DIAPH3: variants seen among roughly 807,000 people sequenced by gnomAD.
DIAPH3 encodes protein diaphanous homolog 3.
DIAPH3 carries 117 observed loss-of-function variants against 144.3 expected under a neutral mutation model. That is an observed-to-expected ratio of 0.81 (90% CI 0.70 to 0.95). The LOEUF is 0.95. DIAPH3 is among the 40% of genes least tolerant of loss of function. The pLI, the probability that DIAPH3 is intolerant of heterozygous loss-of-function variation, is 0.00. For missense variants in DIAPH3, 1,421 were observed against 1,412.7 expected (o/e 1.01, Z -0.09); for synonymous variants, 519 against 488.9 (o/e 1.06, Z -0.81).
At chr13:59,965,864 T>A (rs1297584835) in intron 17 of DIAPH3, among the ~76,000 whole-genome samples, 1 of 151,980 alleles carries the variant, frequency 6.6e-6, no homozygotes, top group Non-Finnish European at 1.5e-5. Flanking sequence ...AGGCACAACA[T>A]GCAATATGCA....
intron 24 of DIAPH3, among the ~76,000 whole-genome samples, chr13:59,815,163 T>C (rs888345717): frequency 6.6e-6 from 1 of 152,224 alleles, no homozygotes. Flanking sequence ...TCTCCAATAA[T>C]ATGCAAAGTC....
At chr13:59,781,346 AT>A (rs2038727617) in intron 25 of DIAPH3, among the ~76,000 whole-genome samples, 1 of 152,218 alleles carries the variant, frequency 6.6e-6, no homozygotes, top group African/African-American at 2.4e-5. Context: ...GAAAATGGAC[AT>A]TTTTCAAACA....
intron 21 of DIAPH3, among the ~76,000 whole-genome samples, chr13:59,867,582 T>C (rs1452358964): frequency 6.6e-6 from 1 of 152,164 alleles, no homozygotes; most frequent in Non-Finnish European, 1.5e-5. Context: ...AATTATAATA[T>C]GCTACCATAT....
intron 5 of DIAPH3, among the ~76,000 whole-genome samples, chr13:60,036,580 C>G (rs1244654326): frequency 6.6e-6 from 1 of 151,880 alleles, no homozygotes; most frequent in African/African-American, 2.4e-5. Flanking sequence ...GAAAGAAAAA[C>G]AAAGGAAAGG....
intron 19 of DIAPH3, among the ~76,000 whole-genome samples, chr13:59,914,397 C>T (rs930966486): frequency 6.6e-6 from 1 of 151,954 alleles, no homozygotes; most frequent in Non-Finnish European, 1.5e-5. Context: ...TTTAGAAATA[C>T]CCAAGGCTGG....
intron 4 of DIAPH3, among the ~76,000 whole-genome samples, chr13:60,088,674 T>C (rs1349578237): frequency 1.3e-5 from 2 of 152,188 alleles, no homozygotes; most frequent in Non-Finnish European, 2.9e-5. Flanking sequence ...CAGACTGTAC[T>C]GCAGTGGCAT....
chr13:59,915,880 A>G (rs1345549760), intron 19 of DIAPH3, among the ~76,000 whole-genome samples: 1 of 152,130 alleles, frequency 6.6e-6, no homozygotes, highest in African/African-American at 2.4e-5. Context: ...AAGTATAACA[A>G]AAACAAAAAT....
At chr13:60,136,779 C>CAA in intron 1 of DIAPH3, among the ~76,000 whole-genome samples, 1 of 145,526 alleles carries the variant, frequency 6.9e-6, no homozygotes, top group African/African-American at 2.5e-5. Context: ...ACTAAAAATA[C>CAA]AAAAAAAAAA....
chr13:60,068,849 C>T (rs73532912), intron 4 of DIAPH3, among the ~76,000 whole-genome samples: 6,136 of 152,160 alleles, frequency 0.04, 437 homozygotes, highest in African/African-American at 0.14. Flanking sequence ...TGTAGTATTC[C>T]ATGGTGTATA....
At chr13:59,712,447 C>T (rs963063291) in intron 27 of DIAPH3, among the ~76,000 whole-genome samples, 12 of 152,214 alleles carry the variant, frequency 7.9e-5, no homozygotes, top group Admixed American at 5.2e-4. Context: ...TGTATTTTCT[C>T]TCTATTCCCA....
intron 1 of DIAPH3, among the ~76,000 whole-genome samples, chr13:60,163,046 A>G (rs537007390): frequency 4.7e-4 from 71 of 152,338 alleles, no homozygotes; most frequent in South Asian, 1.2e-3. Context: ...TTAAGTGTTA[A>G]ACACAAGCAA....
In DIAPH3 at chr13:60,109,441, TG is replaced by T. The variant is rs1287414254; in HGVS notation, c.390+2568del. Among the ~76,000 whole-genome samples, 3 of 138,014 alleles carry T rather than the reference TG, an allele frequency of 2.2e-5. No individual in the cohort carries two copies. The Admixed American group carries it at 2.2e-4, about 10-fold the overall frequency. 90.5% of individuals were successfully genotyped at this position (138,014 alleles called of 152,430 possible). On this transcript the variant is annotated intron_variant, in intron 3 of 27. Coordinates refer to ENST00000400324, the MANE Select transcript of DIAPH3 (RefSeq NM_001042517.2). ...CCCTCCCCCGACCCCAATCTAGTCT[TG>T]GAAGAGACAAATTCAGTCCAGAGAA... is the stretch of plus-strand genomic sequence containing the variant.
intron 17 of DIAPH3, among the ~76,000 whole-genome samples, chr13:59,929,535 T>A (rs904520791): frequency 1.3e-5 from 2 of 149,360 alleles, no homozygotes; most frequent in African/African-American, 4.9e-5. Context: ...ATTATTTTTC[T>A]CCATATCTAA....
intron 3 of DIAPH3, among the ~76,000 whole-genome samples, chr13:60,105,737 A>G (rs1402725620): frequency 6.6e-6 from 1 of 152,174 alleles, no homozygotes; most frequent in Non-Finnish European, 1.5e-5. Flanking sequence ...ACTTTTTTAG[A>G]TTGTAAGAAA....
intron 1 of DIAPH3, among the ~76,000 whole-genome samples, chr13:60,139,042 C>G (rs2059368768): frequency 6.6e-6 from 1 of 152,098 alleles, no homozygotes; most frequent in South Asian, 2.1e-4. Flanking sequence ...AACGTCAACA[C>G]CAATTATAAA....
intron 2 of DIAPH3, among the ~76,000 whole-genome samples, chr13:60,126,686 T>G (rs1405480042): frequency 6.6e-6 from 1 of 152,122 alleles, no homozygotes; most frequent in Non-Finnish European, 1.5e-5. Context: ...AGGACAGAAT[T>G]CATGCAAACT....
At chr13:59,678,508 G>A (rs979393985) in intron 27 of DIAPH3, among the ~76,000 whole-genome samples, 1 of 152,042 alleles carries the variant, frequency 6.6e-6, no homozygotes, top group Non-Finnish European at 1.5e-5. Context: ...GATAACCTAG[G>A]AAGAAATATT....
At chr13:60,142,266 A>G (rs1236822878) in intron 1 of DIAPH3, among the ~76,000 whole-genome samples, 1 of 152,200 alleles carries the variant, frequency 6.6e-6, no homozygotes, top group Non-Finnish European at 1.5e-5. Flanking sequence ...CTGTACTCAA[A>G]TAATCATTAT....
intron 1 of DIAPH3, among the ~76,000 whole-genome samples, chr13:60,140,778 A>G (rs2059408783): frequency 6.6e-6 from 1 of 152,088 alleles, no homozygotes; most frequent in East Asian, 1.9e-4. Context: ...GTTCCTTTTC[A>G]AATAAAAATG....
Sources: gnomAD v4.1 joint callset for allele counts (sites outside exome capture counted in the v4.1 genomes callset) on GRCh38, gnomAD v4.1.1 for gene constraint, MANE v1.5 for transcripts, NCBI Gene and HGNC (gene_info 2026-07-23, HGNC 2026-07-21) for gene names.